DGKG: variants seen among roughly 807,000 people sequenced by gnomAD.
The protein encoded by DGKG is diacylglycerol kinase gamma.
Under a neutral mutation model 105.3 loss-of-function variants are expected in DGKG, and 78 were observed. The ratio of observed to expected loss-of-function variants is 0.74; its 90% CI spans 0.62 to 0.89. DGKG has a LOEUF of 0.89. DGKG is among the 40% of genes least tolerant of loss of function. The pLI, the probability that DGKG is intolerant of heterozygous loss-of-function variation, is 0.00. For missense variants in DGKG, 958 were observed against 1,020.1 expected, an observed-to-expected ratio of 0.94 and a Z score of 0.83; for synonymous variants, 346 against 367.1, an observed-to-expected ratio of 0.94 and a Z score of 0.66.
intron 20 of DGKG, among the ~76,000 whole-genome samples, chr3:186,228,588 A>G (rs943121490): frequency 1.3e-4 from 20 of 150,768 alleles, no homozygotes; most frequent in African/African-American, 4.9e-4. Context: ...CCGCCTTTTC[A>G]CTCCACCCGG....
rs760700413 is a variant in DGKG, at chr3:186,267,692, A to T, written c.1202T>A (p.Ile401Asn). 1.9e-5 allele frequency: 30 copies of T among 1,613,848 alleles called. No homozygotes were observed. The South Asian group carries it at 3.3e-4, about 18-fold the overall frequency. ...HILLPTSICP[I>N]TRDRPGEKSD... The stretch of plus-strand genomic sequence containing the variant: ...CGGGGCAGGAGCACTTACCCGGGTG[A>T]TGGGGCATATGGAGGTGGGCAGTAA... The change falls in exon 13 of 25, where the codon ATC becomes AAC. Residue 401 changes from isoleucine to asparagine, a missense_variant. Physicochemically the swap from Ile to Asn is moderately radical, Grantham distance 149 (BLOSUM62 -3). Transcript: ENST00000265022.
Position 186,232,254 on chromosome 3 carries a change from C to T in DGKG, c.1826+10250G>A, listed in dbSNP as rs181174103. On this transcript the variant is annotated intron_variant, in intron 20 of 24. Coordinates refer to ENST00000265022, the MANE Select transcript of DGKG (RefSeq NM_001346.3). ...CAGCAGATGAACTCACTCCATTCAG[C>T]TCCTTTCTATCACCTTCCCTTCATA... 9.3e-4 allele frequency among the ~76,000 whole-genome samples: 142 copies of T among 152,314 alleles called. 2 individuals carry two copies. The highest frequency in any genetic ancestry group is 3.3e-3 in the African/African-American group (138 of 41,580).
chr3:186,160,706 A>G, intron 24 of DGKG: 1 of 985,410 alleles, frequency 1.0e-6, no homozygotes, highest in Non-Finnish European at 1.2e-6. Context: ...TGTCTTTTGA[A>G]ATTTGCATAG....
chr3:186,229,668 A>C (rs1235027193), intron 20 of DGKG, among the ~76,000 whole-genome samples: 1 of 152,194 alleles, frequency 6.6e-6, no homozygotes, highest in Non-Finnish European at 1.5e-5. Context: ...GTATGTGCTC[A>C]TCTTCCCAGT....
At chr3:186,156,511 T>C (rs1716042894) in intron 24 of DGKG, among the ~76,000 whole-genome samples, 1 of 152,162 alleles carries the variant, frequency 6.6e-6, no homozygotes, top group African/African-American at 2.4e-5. Context: ...ATTGTGGCTT[T>C]ATAATTATTT....
At chr3:186,300,503 A>C (rs1249277271) in intron 3 of DGKG, among the ~76,000 whole-genome samples, 3 of 152,068 alleles carry the variant, frequency 2.0e-5, no homozygotes, top group Non-Finnish European at 2.9e-5. Context: ...TTTCCATGGA[A>C]TTGTTCTGTT....
At chr3:186,156,331 A>C (rs546615816) in intron 24 of DGKG, among the ~76,000 whole-genome samples, 48 of 152,230 alleles carry the variant, frequency 3.2e-4, no homozygotes, top group Non-Finnish European at 6.5e-4. Flanking sequence ...ACATTTTCTG[A>C]AACGCAATTT....
chr3:186,234,846 G>A lies in DGKG; in HGVS notation c.1826+7658C>T, dbSNP rs551519124. ...TTCATCATATTATTTAAAATACTAC[G>A]AATGTTAGGGCAGGGAGAACTGCAT... On this transcript the variant is annotated intron_variant, in intron 20 of 24. Transcript: ENST00000265022. 7.2e-5 allele frequency among the ~76,000 whole-genome samples: 11 copies of A among 152,226 alleles called. No individual in the cohort carries two copies. The South Asian group carries it at 1.0e-3, about 14-fold the overall frequency.
chr3:186,267,742 G>A lies in DGKG; in HGVS notation c.1152C>T (p.Asp384=), dbSNP rs770406720. 3.0e-5 allele frequency: 49 copies of A among 1,613,842 alleles called. No homozygotes were observed. Among genetic ancestry groups the A allele is most frequent in the African/African-American group, 6.7e-5 (5 of 74,880 alleles). ...AGATGTGGTCTCTGAGTTCCCCACC[G>A]TCACACAACGTTGATAATTCACATT... ...HRKCELSTLC[D]GGELRDHILL... The change falls in exon 13 of 25, where the codon GAC becomes GAT. Residue 384 remains aspartate, a synonymous_variant. Coordinates refer to ENST00000265022, the MANE Select transcript of DGKG (RefSeq NM_001346.3).
At chr3:186,236,340 T>C (rs868283898) in intron 20 of DGKG, among the ~76,000 whole-genome samples, 23 of 152,226 alleles carry the variant, frequency 1.5e-4, no homozygotes, top group African/African-American at 5.3e-4. Flanking sequence ...CAATACTTTA[T>C]CGTCAATTTA....
chr3:186,150,790 T>G (rs1483951177), intron 24 of DGKG, among the ~76,000 whole-genome samples: 1 of 152,234 alleles, frequency 6.6e-6, no homozygotes, highest in Non-Finnish European at 1.5e-5. Flanking sequence ...TCTTTAAATT[T>G]TAGGGTTTAT....
At chr3:186,253,390 T>C (rs910326125) in intron 17 of DGKG, among the ~76,000 whole-genome samples, 2 of 152,232 alleles carry the variant, frequency 1.3e-5, no homozygotes, top group African/African-American at 4.8e-5. Flanking sequence ...TCTGTCCATT[T>C]GTATTTTATA....
chr3:186,310,450 AC>A (rs1336020026), intron 2 of DGKG, among the ~76,000 whole-genome samples: 1 of 152,136 alleles, frequency 6.6e-6, no homozygotes, highest in East Asian at 1.9e-4. Context: ...AATTTGGGAC[AC>A]ATTACTTTCT....
chr3:186,328,703 G>A (rs1004957096), intron 1 of DGKG, among the ~76,000 whole-genome samples: 2 of 151,430 alleles, frequency 1.3e-5, no homozygotes, highest in African/African-American at 4.9e-5. Flanking sequence ...AGCCTCCCGA[G>A]TAGCTGGGAC....
At chr3:186,322,387 G>A (rs1725121475) in intron 1 of DGKG, among the ~76,000 whole-genome samples, 1 of 152,134 alleles carries the variant, frequency 6.6e-6, no homozygotes, top group South Asian at 2.1e-4. Context: ...AGAACACAGG[G>A]ACACAAAGAA....
At position 186,295,528 on chromosome 3, in the gene DGKG, G is replaced by GTAA. The variant is rs1241384638; in HGVS notation, c.373+1890_373+1892dup. Among the ~76,000 whole-genome samples, 23 of 120,660 alleles carry GTAA rather than the reference G, an allele frequency of 1.9e-4. No homozygotes were observed. The South Asian group carries it at 3.3e-3, about 17-fold the overall frequency. The allele number at this position is 120,660 out of a possible 152,430, so 79.2% of individuals were successfully genotyped here. On this transcript the variant is annotated intron_variant, in intron 5 of 24. Coordinates refer to ENST00000265022, the MANE Select transcript of DGKG (RefSeq NM_001346.3). ...AATAATAATAATAATAATAATAATA[G>GTAA]TAATAATAATAATAATAATACTGCA...
chr3:186,329,005 C>T (rs1725479873), intron 1 of DGKG, among the ~76,000 whole-genome samples: 2 of 152,186 alleles, frequency 1.3e-5, no homozygotes, highest in Non-Finnish European at 2.9e-5. Flanking sequence ...CAGCTGACAG[C>T]CAGGAGGGCT....
intron 1 of DGKG, among the ~76,000 whole-genome samples, chr3:186,351,482 G>A (rs567085177): frequency 1.8e-4 from 28 of 152,226 alleles, no homozygotes; most frequent in Non-Finnish European, 3.4e-4. Context: ...TAGGATCCAC[G>A]TTTCATTACA....
chr3:186,174,741 G>A (rs1716994534), intron 22 of DGKG, among the ~76,000 whole-genome samples: 1 of 151,552 alleles, frequency 6.6e-6, no homozygotes, highest in African/African-American at 2.4e-5. Flanking sequence ...CTTGTTCCTG[G>A]GCTGAGCAAG....
Sources: allele counts gnomAD v4.1 joint callset (sites outside exome capture counted in the v4.1 genomes callset), GRCh38; gene constraint gnomAD v4.1.1; transcripts MANE v1.5; gene names NCBI Gene and HGNC (gene_info 2026-07-23, HGNC 2026-07-21).